The following COL6A5 variants were observed in gnomAD, a reference collection of about 807,000 sequenced individuals.
COL6A5 encodes collagen alpha-5(VI) chain.
COL6A5 carries 48 observed loss-of-function variants against 65.6 expected under a neutral mutation model. That is an observed-to-expected ratio of 0.73 (90% CI 0.58 to 0.93). The LOEUF is 0.93. COL6A5 is among the 40% of genes least tolerant of loss of function. COL6A5 has a pLI of 0.00. For synonymous variants in COL6A5, 291 were observed against 322.8 expected (o/e 0.90, Z 1.05); for missense variants, 914 against 928.3 (o/e 0.98, Z 0.20).
intron 17 of COL6A5, 53 bp from the exon 18 acceptor site, chr3:130,409,273 C>T: frequency 2.8e-6 from 4 of 1,412,174 alleles, no homozygotes; most frequent in Admixed American, 4.8e-5. Context: ...CACTTAACAC[C>T]ATTATACAAG....
At chr3:130,435,014 C>T (rs1937981907) in intron 1 of COL6A5, among the ~76,000 whole-genome samples, 1 of 152,154 alleles carries the variant, frequency 6.6e-6, no homozygotes, top group Non-Finnish European at 1.5e-5. Flanking sequence ...AGTCTTTGCC[C>T]ATGCCTATGT....
intron 24 of COL6A5, 144 bp from the exon 25 acceptor site, chr3:130,418,725 A>T (rs1245415004): frequency 1.6e-6 from 1 of 644,872 alleles, no homozygotes. Flanking sequence ...AAAAAACATA[A>T]TTTGTGCCCT....
chr3:130,393,487 A>G (rs529209917), intron 7 of COL6A5, among the ~76,000 whole-genome samples: 1 of 152,276 alleles, frequency 6.6e-6, no homozygotes, highest in Admixed American at 6.5e-5. Context: ...AGGCAGGCTT[A>G]ATCTTGTTTG....
chr3:130,429,678 C>T, upstream of COL6A5: 1 of 1,032,628 alleles, frequency 9.7e-7, no homozygotes, highest in East Asian at 2.9e-5. Context: ...CCGTGGGAAA[C>T]AGGACTTCTT....
Position 130,394,773 on chromosome 3 carries a change from C to T in COL6A5, c.2993-117C>T, listed in dbSNP as rs950719096. On this transcript the variant is annotated intron_variant and NMD_transcript_variant, in intron 7 of 41. Transcript: ENST00000312481. ...GTGATTCTCTCTCTTGTTAACTTAT[C>T]TCAATTTGCTAATGTAAATCAATTG... 14 of 694,710 alleles carry T rather than the reference C, an allele frequency of 2.0e-5. No individual in the cohort carries two copies. In the African/African-American group the frequency reaches 2.2e-4, roughly 11 times the overall value. The allele number at this position is 694,710 out of a possible 1,614,324, so 43.0% of individuals were successfully genotyped here. A position where few individuals can be genotyped will look rare whatever the true frequency, so the allele number is the denominator to read the frequency against.
chr3:130,458,287 A>G (rs1255607215), intron 5 of COL6A5, among the ~76,000 whole-genome samples: 3 of 152,118 alleles, frequency 2.0e-5, no homozygotes, highest in African/African-American at 7.2e-5. Flanking sequence ...CCTCCTGATA[A>G]CTACTGTTTC....
rs1231010745 is a variant in COL6A5, at chr3:130,405,616, G to T, written c.4310G>T (p.Gly1437Val). The T allele has an allele frequency of 5.2e-6, 8 of 1,550,756 alleles. No homozygotes were observed. The African/African-American group carries it at 1.1e-4, about 21-fold the overall frequency. The change falls in exon 14 of 42, where the codon GGA (glycine) becomes GTA (valine). Residue 1437 changes from glycine to valine, a missense_variant and NMD_transcript_variant. Physicochemically the swap from Gly to Val is moderately radical, Grantham distance 109. Coordinates refer to the COL6A5 transcript ENST00000312481. ...GTACGAGGAGACACAGGACCCCAAG[G>T]AGACAAAGGGATTGCAGGATGTCCA...
At chr3:130,397,788 C>G in exon 9 of COL6A5, 1 of 1,551,664 alleles carries the variant, frequency 6.4e-7, no homozygotes, top group Non-Finnish European at 8.7e-7. Flanking sequence ...GATTCCCTGC[C>G]AAGTTCCAAA....
At chr3:130,438,486 G>T (rs763708400) in intron 1 of COL6A5, among the ~76,000 whole-genome samples, 5 of 152,296 alleles carry the variant, frequency 3.3e-5, no homozygotes, top group African/African-American at 1.2e-4. Flanking sequence ...TCAACATCTA[G>T]TCTTTACATG....
chr3:130,355,968 T>A (rs1934910663), intron 1 of COL6A5, among the ~76,000 whole-genome samples: 1 of 152,252 alleles, frequency 6.6e-6, no homozygotes, highest in East Asian at 1.9e-4. Context: ...GGGTTTATGA[T>A]GTTATATCAG....
chr3:130,444,283 T>A (rs1003644969), intron 4 of COL6A5, among the ~76,000 whole-genome samples: 1 of 152,006 alleles, frequency 6.6e-6, no homozygotes, highest in African/African-American at 2.4e-5. Context: ...GGTCCTGAGG[T>A]GACATACATC....
At chr3:130,355,727 T>C (rs1264847773) in intron 1 of COL6A5, among the ~76,000 whole-genome samples, 3 of 151,100 alleles carry the variant, frequency 2.0e-5, no homozygotes, top group African/African-American at 7.3e-5. Context: ...ACAAAACAAA[T>C]AGTAGTGGAA....
Position 130,483,947 on chromosome 3 carries a change from A to G in COL6A5, c.2329-88A>G. On this transcript the variant is annotated intron_variant, in intron 7 of 7. Transcript: ENST00000512836. ...GACAAAAATATTGTGTTTGTTTTAT[A>G]TGTGGCATATAAAGGAGTAGGCCCT... The G allele has an allele frequency of 5.4e-6, 6 of 1,120,026 alleles. No individual in the cohort carries two copies. The South Asian group carries it at 8.7e-5, about 16-fold the overall frequency. 69.4% of individuals were successfully genotyped at this position (1,120,026 alleles called of 1,614,324 possible).
At chr3:130,469,527 T>C (rs375467864) in intron 6 of COL6A5, 46 bp downstream of exon 38, 20 of 1,469,058 alleles carry the variant, frequency 1.4e-5, no homozygotes, top group Non-Finnish European at 1.9e-5. Flanking sequence ...AGATTTAATG[T>C]TTCTGTGTAC....
At chr3:130,396,941 C>G (rs965741596) in intron 8 of COL6A5, among the ~76,000 whole-genome samples, 2 of 152,216 alleles carry the variant, frequency 1.3e-5, no homozygotes, top group African/African-American at 4.8e-5. Context: ...CGGCTCACTG[C>G]AAGCTCTGCC....
At chr3:130,436,584 G>A (rs931950503) in intron 1 of COL6A5, among the ~76,000 whole-genome samples, 1 of 152,144 alleles carries the variant, frequency 6.6e-6, no homozygotes, top group African/African-American at 2.4e-5. Context: ...TGATCTTCAT[G>A]TTTCTGCACC....
intron 4 of COL6A5, among the ~76,000 whole-genome samples, chr3:130,449,240 C>T (rs1489255699): frequency 6.6e-6 from 1 of 152,178 alleles, no homozygotes; most frequent in Non-Finnish European, 1.5e-5. Context: ...ATAACCTAAA[C>T]CAGCCCTGTT....
At chr3:130,478,895 G>T (rs954845014) in intron 7 of COL6A5, among the ~76,000 whole-genome samples, 3 of 152,052 alleles carry the variant, frequency 2.0e-5, no homozygotes, top group Admixed American at 2.0e-4. Context: ...TGGAGTGAGG[G>T]TGATAGCAAT....
In COL6A5 at chr3:130,364,173, T is replaced by C. The variant is rs1935245006; in HGVS notation, c.-28-9438T>C. 2.6e-5 allele frequency among the ~76,000 whole-genome samples: 4 copies of C among 152,238 alleles called. No individual in the cohort carries two copies. In the South Asian group the frequency reaches 6.2e-4, roughly 24 times the overall value. ...AGCCACATATTATATTTGTGATTTT[T>C]TTCTCAAATTTTTATGTTTGCTTTA... On this transcript the variant is annotated intron_variant and NMD_transcript_variant, in intron 1 of 41. Coordinates refer to the COL6A5 transcript ENST00000312481.
Sources: allele counts gnomAD v4.1 joint callset (sites outside exome capture counted in the v4.1 genomes callset), GRCh38; gene constraint gnomAD v4.1.1; transcripts MANE v1.5; gene names NCBI Gene and HGNC (gene_info 2026-07-23, HGNC 2026-07-21).